The following RIPOR3 variants were observed in gnomAD, a reference collection of about 807,000 sequenced individuals.
RIPOR3 encodes family with sequence similarity 65 member C.
A neutral mutation model predicts 114.3 loss-of-function variants in RIPOR3; 95 were observed. That is an observed-to-expected ratio of 0.83 (90% CI 0.70 to 0.99). The LOEUF is 0.99. Among genes scored for constraint, RIPOR3 ranks in the 50% least tolerant of loss-of-function variants. The pLI, the probability that RIPOR3 is intolerant of heterozygous loss-of-function variation, is 0.00. For synonymous variants in RIPOR3, 575 were observed against 543.8 expected, an observed-to-expected ratio of 1.06 and a Z score of -0.80; for missense variants, 1,252 against 1,266.9, an observed-to-expected ratio of 0.99 and a Z score of 0.18.
intron 3 of RIPOR3, 140 bp from the exon 4 acceptor site, chr20:50,616,220 C>A (rs1188336089): frequency 1.3e-6 from 1 of 755,766 alleles, no homozygotes; most frequent in Non-Finnish European, 2.2e-6. Flanking sequence ...AGCCAGGCTC[C>A]CTCACACTGG....
intron 1 of RIPOR3, among the ~76,000 whole-genome samples, chr20:50,641,728 C>T (rs1302404632): frequency 6.6e-6 from 1 of 152,220 alleles, no homozygotes; most frequent in African/African-American, 2.4e-5. Flanking sequence ...ATCACTTTAG[C>T]GTTTCCCACG....
chr20:50,619,104 C>T lies in RIPOR3; in HGVS notation c.269+882G>A, dbSNP rs552630691. On this transcript the variant is annotated intron_variant, in intron 3 of 21. Coordinates refer to ENST00000327979, the MANE Select transcript of RIPOR3 (RefSeq NM_001290268.2). Reference sequence around the variant, plus strand: ...GCAGGTGCCTGTAATCCCAGCTACTCGGTAGGCTGAGGCAAGAGCTACTCT... The same window carrying T: ...GCAGGTGCCTGTAATCCCAGCTACTTGGTAGGCTGAGGCAAGAGCTACTCT... Among the ~76,000 whole-genome samples, 8 of 152,084 alleles carry T rather than the reference C, an allele frequency of 5.3e-5. No homozygotes were observed. The South Asian group carries it at 6.2e-4, about 12-fold the overall frequency.
chr20:50,621,237 A>G (rs1475214899), intron 2 of RIPOR3, among the ~76,000 whole-genome samples: 1 of 152,234 alleles, frequency 6.6e-6, no homozygotes, highest in Non-Finnish European at 1.5e-5. Context: ...CTGCCTGTGC[A>G]GGCAATGCCG....
At chr20:50,676,269 T>C (rs951598682) in intron 1 of RIPOR3, among the ~76,000 whole-genome samples, 11 of 152,256 alleles carry the variant, frequency 7.2e-5, no homozygotes, top group Non-Finnish European at 1.5e-4. Context: ...CAGGGGAAGT[T>C]GGTCTGCCTC....
intron 1 of RIPOR3, among the ~76,000 whole-genome samples, chr20:50,678,563 C>T (rs895612008): frequency 2.0e-5 from 3 of 152,188 alleles, no homozygotes; most frequent in Non-Finnish European, 4.4e-5. Flanking sequence ...GGCTCACAAG[C>T]TACAGGTTAT....
At chr20:50,684,268 C>T (rs535443732) in intron 1 of RIPOR3, among the ~76,000 whole-genome samples, 46 of 152,220 alleles carry the variant, frequency 3.0e-4, no homozygotes, top group African/African-American at 1.0e-3. Context: ...TCAGGATGGC[C>T]TCGCTGCAAA....
At chr20:50,679,135 A>AAAATATATAT (rs2086773516) in intron 1 of RIPOR3, among the ~76,000 whole-genome samples, 1 of 20,768 alleles carries the variant, frequency 4.8e-5, no homozygotes, top group African/African-American at 1.3e-4. Context: ...AAAAAAAAAA[A>AAAATATATAT]ATATATATAT....
Position 50,619,204 on chromosome 20 carries a change from G to A in RIPOR3, c.269+782C>T, listed in dbSNP as rs528263696. 1.6e-3 allele frequency among the ~76,000 whole-genome samples: 237 copies of A among 151,810 alleles called. 1 individual carries two copies. The highest frequency in any genetic ancestry group is 2.2e-3 in the Non-Finnish European group (150 of 67,918). ...TGGCTCACGCTTGAACCCAGGAGGC[G>A]GAGGTTGCAGTGAGCTGAGATCACA... On this transcript the variant is annotated intron_variant, in intron 3 of 21. Transcript: ENST00000327979.
rs1305038602 is a variant in RIPOR3 at position 50,608,877 on chromosome 20, G to A, written c.684+35C>T. Reference sequence around the variant, plus strand: ...TCCCGTCCCCCAAAGACCTGGCGGGGAGCCCTGAGGATTGACCCCAGAGAG... The same window carrying A: ...TCCCGTCCCCCAAAGACCTGGCGGGAAGCCCTGAGGATTGACCCCAGAGAG... On this transcript the variant is annotated intron_variant, in intron 9 of 21. Transcript: ENST00000327979. 8 of 1,600,140 alleles carry A rather than the reference G, an allele frequency of 5.0e-6. No individual in the cohort carries two copies. The Admixed American group carries it at 1.2e-4, about 25-fold the overall frequency.
chr20:50,654,718 T>G (rs2085745900), intron 1 of RIPOR3, among the ~76,000 whole-genome samples: 1 of 152,098 alleles, frequency 6.6e-6, no homozygotes, highest in African/African-American at 2.4e-5. Flanking sequence ...TTGCTTTTTG[T>G]GTGTGTTTGG....
At chr20:50,609,081 G>T in intron 8 of RIPOR3, 126 bp from the exon 9 acceptor site, 1 of 1,369,236 alleles carries the variant, frequency 7.3e-7, no homozygotes, top group Non-Finnish European at 1.0e-6. Context: ...TGGGGGGGAG[G>T]TACACCATCA....
intron 1 of RIPOR3, among the ~76,000 whole-genome samples, chr20:50,665,500 A>G (rs1388663674): frequency 7.4e-6 from 1 of 135,536 alleles, no homozygotes; most frequent in Non-Finnish European, 1.5e-5. Flanking sequence ...GGCTCTCCGC[A>G]ACCTCCGCCT....
intron 1 of RIPOR3, chr20:50,660,421 A>G (rs905908313): frequency 6.6e-6 from 1 of 152,250 alleles, no homozygotes; most frequent in Non-Finnish European, 1.5e-5. Context: ...GAAAACCTGA[A>G]GGTCATCATA....
intron 1 of RIPOR3, among the ~76,000 whole-genome samples, chr20:50,670,362 C>A (rs1385985523): frequency 6.9e-6 from 1 of 145,730 alleles, no homozygotes; most frequent in Non-Finnish European, 1.5e-5. Flanking sequence ...CACCCAGACA[C>A]CCCCACCCCC....
Position 50,602,228 on chromosome 20 carries a change from G to C in RIPOR3, c.1503C>G (p.His501Gln), listed in dbSNP as rs545997871. The C allele has an allele frequency of 3.1e-6, 5 of 1,613,836 alleles. No individual in the cohort carries two copies. The Admixed American group carries it at 6.7e-5, about 22-fold the overall frequency. ...CTCTGTCCCCGGTTGCCCCTTCCTC[G>C]TGGCCGTTCTGGCTACTCGAGGCTG... ...SGTASSSQNGHEEGATGDRED... is the reference protein window; with the variant it reads ...SGTASSSQNGQEEGATGDRED... Residue 501 changes from histidine (H) to glutamine (Q), a missense_variant, in exon 13 of 22, where the codon CAC becomes CAG. By Grantham distance (24) the His-to-Gln change is conservative. Coordinates refer to ENST00000327979, the MANE Select transcript of RIPOR3 (RefSeq NM_001290268.2). The surrounding 1 kb of genome is among the most constrained non-coding windows in gnomAD (Gnocchi z 4.3).
chr20:50,608,245 G>A (rs1316760516), intron 11 of RIPOR3, 144 bp downstream of exon 11: 8 of 1,140,014 alleles, frequency 7.0e-6, no homozygotes, highest in African/African-American at 1.5e-5. Flanking sequence ...TGACTGAGGG[G>A]TGGGAGTGAG....
intron 1 of RIPOR3, among the ~76,000 whole-genome samples, chr20:50,632,263 C>G (rs2084843365): frequency 6.6e-6 from 1 of 152,194 alleles, no homozygotes; most frequent in African/African-American, 2.4e-5. Context: ...CTGTGCCACT[C>G]AGGCTCTGGG....
chr20:50,643,849 G>A (rs1038794151), intron 1 of RIPOR3, among the ~76,000 whole-genome samples: 21 of 152,062 alleles, frequency 1.4e-4, no homozygotes, highest in Admixed American at 7.2e-4. Context: ...AAGTAGCTGG[G>A]ACTACAGGCG....
intron 1 of RIPOR3, among the ~76,000 whole-genome samples, chr20:50,658,797 C>T (rs1477943537): frequency 6.6e-6 from 1 of 152,140 alleles, no homozygotes; most frequent in Non-Finnish European, 1.5e-5. Flanking sequence ...GAAACTAAGG[C>T]TCAGAGAGAT....
Sources: allele counts gnomAD v4.1 joint callset (sites outside exome capture counted in the v4.1 genomes callset), GRCh38; gene constraint gnomAD v4.1.1; non-coding constraint Gnocchi (gnomAD v3.1); transcripts MANE v1.5; gene names NCBI Gene and HGNC (gene_info 2026-07-23, HGNC 2026-07-21).